Variants in TMEM168 observed in about 807,000 individuals in gnomAD.
The protein encoded by TMEM168 is transmembrane protein 168.
In TMEM168, 40 loss-of-function variants were observed where a neutral mutation model predicts 53.2. The ratio of observed to expected loss-of-function variants is 0.75; its 90% confidence interval spans 0.58 to 0.98. TMEM168 has a LOEUF of 0.98. Ranked by LOEUF, TMEM168 falls within the 50% of genes least tolerant of loss-of-function variation. The probability of loss-of-function intolerance (pLI) is 0.00; values close to 1 mark genes in which losing one functional copy is unlikely to be tolerated. For synonymous variants in TMEM168, 282 were observed against 293.0 expected, an observed-to-expected ratio of 0.96 and a Z score of 0.38; for missense variants, 771 against 828.8, an observed-to-expected ratio of 0.93 and a Z score of 0.86.
chr7:112,789,354 G>T (rs1404396766), intron 1 of TMEM168, among the ~76,000 whole-genome samples: 8 of 151,816 alleles, frequency 5.3e-5, no homozygotes, highest in Admixed American at 5.3e-4. Flanking sequence ...TGTACACCCA[G>T]TGACTAGCAA....
chr7:112,786,912 G>C (rs1318335247), intron 1 of TMEM168, among the ~76,000 whole-genome samples: 1 of 152,030 alleles, frequency 6.6e-6, no homozygotes, highest in Non-Finnish European at 1.5e-5. Flanking sequence ...CATCAAAAGG[G>C]AGCTCACTTG....
At chr7:112,775,131 G>A in intron 3 of TMEM168, 45 bp downstream of exon 3, 1 of 1,462,282 alleles carries the variant, frequency 6.8e-7, no homozygotes. Context: ...TTAAGAAAAT[G>A]TTATGAAGTG....
intron 1 of TMEM168, among the ~76,000 whole-genome samples, chr7:112,785,450 T>C (rs544835503): frequency 6.6e-6 from 1 of 152,344 alleles, no homozygotes; most frequent in East Asian, 1.9e-4. Context: ...AGCTCTAGAA[T>C]GTTACACAAG....
rs762475752 is a variant in TMEM168 at position 112,784,405 on chromosome 7, C to A, written c.421G>T (p.Glu141Ter). 6.2e-7 allele frequency: 1 copy of A among 1,614,120 alleles called. No individual in the cohort carries two copies. The highest frequency in any genetic ancestry group is 8.5e-7 in the Non-Finnish European group (1 of 1,180,012). The change falls in exon 2 of 5, where the codon GAG becomes TAG. Residue 141 changes from glutamate (E) to a stop codon, truncating the protein, a stop_gained. Coordinates refer to ENST00000312814, the MANE Select transcript of TMEM168 (RefSeq NM_022484.6). LOFTEE classifies it high-confidence loss of function. ...IVLRILCSLV[E>*]RISGYVRHRP... The stretch of plus-strand genomic sequence containing the variant: ...TGACGGACATAACCAGAAATTCTCT[C>A]CACCAGAGAGCACAATATCCTTAAC...
Position 112,767,120 on chromosome 7 carries a change from T to C in TMEM168, c.*77A>G. ...GCAAGGTATTTTCCACAAATAAAAATACAGCATACAAAAAATGGCAAGTTA... is the reference window on the plus strand; with the variant it reads ...GCAAGGTATTTTCCACAAATAAAAACACAGCATACAAAAAATGGCAAGTTA... On this transcript the variant is annotated 3_prime_UTR_variant, in exon 5 of 5. Transcript: ENST00000312814. 1 of 1,403,032 alleles carries C rather than the reference T, an allele frequency of 7.1e-7. No homozygotes were observed. 86.9% of individuals were successfully genotyped at this position (1,403,032 alleles called of 1,614,324 possible).
intron 4 of TMEM168, among the ~76,000 whole-genome samples, chr7:112,770,855 G>A (rs1453473820): frequency 6.6e-6 from 1 of 152,060 alleles, no homozygotes; most frequent in African/African-American, 2.4e-5. Context: ...AAAATAACTA[G>A]GGATATATGC....
intron 4 of TMEM168, among the ~76,000 whole-genome samples, chr7:112,771,517 A>G (rs1584437444): frequency 6.6e-6 from 1 of 152,328 alleles, no homozygotes; most frequent in Middle Eastern, 3.4e-3. Flanking sequence ...TGATGCTTAA[A>G]ATGTACCCAA....
intron 1 of TMEM168, among the ~76,000 whole-genome samples, chr7:112,789,574 C>T (rs2116324604): frequency 6.6e-6 from 1 of 152,302 alleles, no homozygotes; most frequent in African/African-American, 2.4e-5. Context: ...TTCCACCAGT[C>T]TTTACTTAAT....
intron 2 of TMEM168, chr7:112,778,138 G>C (rs1793139523): frequency 6.6e-6 from 1 of 152,226 alleles, no homozygotes; most frequent in Admixed American, 6.5e-5. Flanking sequence ...CACAAGGGCA[G>C]AAAGCAAGTT....
Position 112,772,901 on chromosome 7 carries a change from T to C in TMEM168, c.1426A>G (p.Thr476Ala), listed in dbSNP as rs1191021102. 6.2e-7 allele frequency: 1 copy of C among 1,614,066 alleles called. No homozygotes were observed. The highest frequency in any genetic ancestry group is 1.1e-5 in the South Asian group (1 of 91,088). ...AAAGCTTTTAGTTTGGAATGCAGAG[T>C]ATCAAATGACAGTCCACTTGTGGAA... ...DYSTSGLSFDTLHSKLKAFLE... is the reference protein window; with the variant it reads ...DYSTSGLSFDALHSKLKAFLE... Residue 476 changes from threonine (T) to alanine (A), a missense_variant, in exon 4 of 5, where the codon ACT (threonine) becomes GCT (alanine). Transcript: ENST00000312814.
At chr7:112,780,311 A>G (rs1402054959) in intron 2 of TMEM168, among the ~76,000 whole-genome samples, 1 of 152,242 alleles carries the variant, frequency 6.6e-6, no homozygotes, top group African/African-American at 2.4e-5. Context: ...GTTAAAAGAA[A>G]TGCTTTCCAC....
intron 4 of TMEM168, among the ~76,000 whole-genome samples, chr7:112,771,034 C>T (rs1792918735): frequency 6.6e-6 from 1 of 152,148 alleles, no homozygotes; most frequent in East Asian, 1.9e-4. Flanking sequence ...AGTTGGAATA[C>T]ACAGAACGTT....
At chr7:112,782,605 A>G (rs1793261461) in intron 2 of TMEM168, among the ~76,000 whole-genome samples, 1 of 152,168 alleles carries the variant, frequency 6.6e-6, no homozygotes, top group African/African-American at 2.4e-5. Flanking sequence ...TGTTTTCCTC[A>G]TTTGGCTGAC....
At position 112,784,217 on chromosome 7, in the gene TMEM168, T is replaced by C; in HGVS notation, c.609A>G (p.Pro203=). ...DLRMKSFLAI[P]NLVIFAVLLF... Reference sequence around the variant, plus strand: ...ACAAAACTGCAAAAATAACTAAGTTTGGAATAGCTAAGAAAGATTTCATTC... The same window carrying C: ...ACAAAACTGCAAAAATAACTAAGTTCGGAATAGCTAAGAAAGATTTCATTC... The change falls in exon 2 of 5, where the codon CCA becomes CCG. Residue 203 remains proline, a synonymous_variant. Coordinates refer to ENST00000312814, the MANE Select transcript of TMEM168 (RefSeq NM_022484.6). 6.2e-7 allele frequency: 1 copy of C among 1,613,704 alleles called. No individual in the cohort carries two copies. Among genetic ancestry groups the C allele is most frequent in the Non-Finnish European group, 8.5e-7 (1 of 1,179,944 alleles).
At chr7:112,788,412 G>C (rs1356044406) in intron 1 of TMEM168, 1 of 152,150 alleles carries the variant, frequency 6.6e-6, no homozygotes, top group African/African-American at 2.4e-5. Flanking sequence ...AAAAAAATTA[G>C]TGAAGTACAG....
rs569871086 is a variant in TMEM168, at chr7:112,771,357, C to A, written c.1546+1424G>T. The stretch of plus-strand genomic sequence containing the variant: ...CTGGTCTTAAATCATGGTTCTATCA[C>A]ATAGTGGTATGACCACAGATAAGTT... On this transcript the variant is annotated intron_variant, in intron 4 of 4. Coordinates refer to ENST00000312814, the MANE Select transcript of TMEM168 (RefSeq NM_022484.6). Among the ~76,000 whole-genome samples, 9 of 152,236 alleles carry A rather than the reference C, an allele frequency of 5.9e-5. No homozygotes were observed. In the Middle Eastern group the frequency reaches 0.02, roughly 345 times the overall value.
rs923030890 is a variant in TMEM168, at chr7:112,766,179, A to G, written c.*1018T>C. ...ATATTATGCCTAACTAAAATTGCCAATATGAATACTTTTTTACAGAATACA... is the reference window on the plus strand; with the variant it reads ...ATATTATGCCTAACTAAAATTGCCAGTATGAATACTTTTTTACAGAATACA... On this transcript the variant is annotated 3_prime_UTR_variant, in exon 5 of 5. Transcript: ENST00000312814. 3 of 152,564 alleles carry G rather than the reference A, an allele frequency of 2.0e-5. No individual in the cohort carries two copies. The highest frequency in any genetic ancestry group is 6.5e-5 in the Admixed American group (1 of 15,280). The allele number at this position is 152,564 out of a possible 1,614,324, so 9.5% of individuals were successfully genotyped here.
intron 1 of TMEM168, among the ~76,000 whole-genome samples, chr7:112,785,320 A>G (rs1324531238): frequency 3.3e-5 from 5 of 152,222 alleles, no homozygotes; most frequent in African/African-American, 1.2e-4. Context: ...AAAGCTACTT[A>G]GTTCTTAAAG....
intron 2 of TMEM168, among the ~76,000 whole-genome samples, chr7:112,781,125 A>C (rs1793220725): frequency 6.8e-6 from 1 of 146,012 alleles, no homozygotes; most frequent in Non-Finnish European, 1.5e-5. Context: ...TAAAGAAGCA[A>C]AAAAAAAAAA....
Sources: gnomAD v4.1 joint callset for allele counts (sites outside exome capture counted in the v4.1 genomes callset) on GRCh38, gnomAD v4.1.1 for gene constraint, MANE v1.5 for transcripts, NCBI Gene and HGNC (gene_info 2026-07-23, HGNC 2026-07-21) for gene names.